TP63: variants seen among roughly 807,000 people sequenced by gnomAD.
TP63 encodes the protein tumor protein 63.
A neutral mutation model predicts 82.8 loss-of-function variants in TP63; 17 were observed. That is an observed-to-expected ratio of 0.21 (90% confidence interval 0.14 to 0.31). The LOEUF (loss-of-function observed/expected upper bound fraction) is 0.31. Among genes scored for constraint, TP63 ranks in the 10% least tolerant of loss-of-function variants. The pLI, the probability that TP63 is intolerant of heterozygous loss-of-function variation, is 1.00. For synonymous variants in TP63, 330 were observed against 321.7 expected (o/e 1.03, Z -0.28); for missense variants, 648 against 895.3 (o/e 0.72, Z 3.52).
chr3:189,787,890 G>T (rs886958426), intron 3 of TP63, among the ~76,000 whole-genome samples: 3 of 151,984 alleles, frequency 2.0e-5, no homozygotes, highest in African/African-American at 7.2e-5. Flanking sequence ...CAGGAGGTCT[G>T]GGGCCACGTC....
At chr3:189,755,346 A>T (rs1722111915) in intron 3 of TP63, among the ~76,000 whole-genome samples, 1 of 152,184 alleles carries the variant, frequency 6.6e-6, no homozygotes, top group Admixed American at 6.5e-5. Flanking sequence ...AACCAACATA[A>T]CTTTAGAAGT....
At chr3:189,812,605 A>C (rs1257256533) in intron 4 of TP63, among the ~76,000 whole-genome samples, 2 of 152,218 alleles carry the variant, frequency 1.3e-5, no homozygotes, top group East Asian at 3.9e-4. Flanking sequence ...GCTTTCACCA[A>C]AAATTCAATC....
At position 189,631,541 on chromosome 3, in the gene TP63, C is replaced by G. The variant is rs1255910627; in HGVS notation, c.26C>G (p.Ala9Gly). 5 of 1,612,786 alleles carry G rather than the reference C, an allele frequency of 3.1e-6. No individual in the cohort carries two copies. The Admixed American group carries it at 8.3e-5, about 27-fold the overall frequency. ...ATGAATTTTGAAACTTCACGGTGTG[C>G]CACCCTACAGTACTGCCCTGACCCT... MNFETSRC[A>G]TLQYCPDPYI... The change falls in exon 1 of 14, where the codon GCC (alanine) becomes GGC (glycine). Residue 9 changes from alanine to glycine, a missense_variant. Coordinates refer to ENST00000264731, the MANE Select transcript of TP63 (RefSeq NM_003722.5).
chr3:189,607,962 G>A, the TP63 span, among the ~76,000 whole-genome samples: 1 of 152,078 alleles, frequency 6.6e-6, no homozygotes, highest in Non-Finnish European at 1.5e-5. Context: ...CAAAGAAAGT[G>A]TACTAGACTT....
chr3:189,889,862 A>C (rs1158279385), intron 12 of TP63, among the ~76,000 whole-genome samples: 1 of 152,098 alleles, frequency 6.6e-6, no homozygotes, highest in Non-Finnish European at 1.5e-5. Flanking sequence ...CTCTCTCTCT[A>C]ATCCTTATAG....
intron 1 of TP63, among the ~76,000 whole-genome samples, chr3:189,670,724 G>T (rs558248339): frequency 3.3e-5 from 5 of 152,034 alleles, no homozygotes; most frequent in African/African-American, 9.7e-5. Flanking sequence ...CGGTGGGACA[G>T]AACAGAGAAC....
At chr3:189,604,649 A>C in the TP63 span, among the ~76,000 whole-genome samples, 1 of 152,186 alleles carries the variant, frequency 6.6e-6, no homozygotes, top group Non-Finnish European at 1.5e-5. Context: ...TTTAACCATG[A>C]GTTTGCAAGG....
chr3:189,800,027 T>G (rs1726119692), intron 3 of TP63, among the ~76,000 whole-genome samples: 1 of 152,140 alleles, frequency 6.6e-6, no homozygotes, highest in Non-Finnish European at 1.5e-5. Flanking sequence ...TTTTAAAAGT[T>G]TATACATATA....
chr3:189,819,972 A>C (rs1264602541), intron 4 of TP63, among the ~76,000 whole-genome samples: 2 of 151,832 alleles, frequency 1.3e-5, no homozygotes, highest in Non-Finnish European at 2.9e-5. Context: ...GCTGGTCTTG[A>C]ACTCCTGACC....
intron 11 of TP63, among the ~76,000 whole-genome samples, chr3:189,887,856 G>GTTTT (rs397874442): frequency 2.4e-5 from 3 of 125,644 alleles, no homozygotes; most frequent in African/African-American, 5.8e-5. Context: ...CATTGTTTTG[G>GTTTT]TTTTTTTTTT....
rs1409010563 is a variant in TP63, at chr3:189,839,832, C to A, written c.580-24400C>A. Among the ~76,000 whole-genome samples the A allele has an allele frequency of 3.9e-5, 6 of 152,176 alleles. No individual in the cohort carries two copies. In the East Asian group the frequency reaches 1.2e-3, roughly 29 times the overall value. On this transcript the variant is annotated intron_variant, in intron 4 of 13. Coordinates refer to ENST00000264731, the MANE Select transcript of TP63 (RefSeq NM_003722.5). ...ATTATCTCAGCCTTGAAATGAGTCA[C>A]ACAAGGTTTTGCAGCAGAGAGAACT...
At chr3:189,761,320 AG>A (rs1311631594) in intron 3 of TP63, among the ~76,000 whole-genome samples, 1 of 148,328 alleles carries the variant, frequency 6.7e-6, no homozygotes, top group Non-Finnish European at 1.5e-5. Context: ...ATAGCACCCA[AG>A]TCACTTCTTA....
intron 1 of TP63, among the ~76,000 whole-genome samples, chr3:189,714,290 A>T (rs1316674637): frequency 6.6e-6 from 1 of 152,168 alleles, no homozygotes; most frequent in Non-Finnish European, 1.5e-5. Flanking sequence ...GAAAGTGATC[A>T]TGTTCCCGGT....
At chr3:189,739,356 T>C (rs543035111) in intron 3 of TP63, among the ~76,000 whole-genome samples, 1 of 152,324 alleles carries the variant, frequency 6.6e-6, no homozygotes, top group East Asian at 1.9e-4. Context: ...CTTCCTGTGA[T>C]CTGCCCACCT....
chr3:189,797,334 T>C (rs1298339174), intron 3 of TP63, among the ~76,000 whole-genome samples: 1 of 152,024 alleles, frequency 6.6e-6, no homozygotes, highest in Non-Finnish European at 1.5e-5. Context: ...AATACCCCTA[T>C]GAGAATTACC....
intron 10 of TP63, chr3:189,879,963 A>C: frequency 9.0e-6 from 13 of 1,448,244 alleles, no homozygotes; most frequent in Non-Finnish European, 1.0e-5. Flanking sequence ...TGTCTATACT[A>C]TGATCATGAA....
intron 1 of TP63, among the ~76,000 whole-genome samples, chr3:189,729,181 G>T (rs942163751): frequency 2.0e-5 from 3 of 152,150 alleles, no homozygotes; most frequent in Non-Finnish European, 4.4e-5. Flanking sequence ...TGTATTCAGA[G>T]AAATCATTAC....
At chr3:189,835,964 A>AATAATAATAATG (rs1553850880) in intron 4 of TP63, among the ~76,000 whole-genome samples, 5 of 141,528 alleles carry the variant, frequency 3.5e-5, no homozygotes, top group East Asian at 4.2e-4. Context: ...TAATAATAAT[A>AATAATAATAATG]ATAATGTAAA....
At chr3:189,617,810 A>T in the TP63 span, among the ~76,000 whole-genome samples, 1 of 152,200 alleles carries the variant, frequency 6.6e-6, no homozygotes, top group African/African-American at 2.4e-5. Context: ...CTGGCTGCCA[A>T]GTATGTCATT....
Sources: gnomAD v4.1 joint callset for allele counts (sites outside exome capture counted in the v4.1 genomes callset) on GRCh38, gnomAD v4.1.1 for gene constraint, MANE v1.5 for transcripts, NCBI Gene and HGNC (gene_info 2026-07-23, HGNC 2026-07-21) for gene names.